Variants in TMEM63C observed in about 807,000 individuals in gnomAD.
TMEM63C encodes the protein osmosensitive cation channel TMEM63C.
A neutral mutation model predicts 99.2 loss-of-function variants in TMEM63C; 32 were observed. The observed-to-expected ratio is 0.32, with a 90% CI of 0.24 to 0.43. The LOEUF (loss-of-function observed/expected upper bound fraction) is 0.43, where lower values mean the gene tolerates loss of function less well. TMEM63C is among the 20% of genes least tolerant of loss of function. The probability of loss-of-function intolerance (pLI) is 1.00; values close to 1 mark genes in which losing one functional copy is unlikely to be tolerated. For synonymous variants in TMEM63C, 376 were observed against 397.9 expected (o/e 0.94, Z 0.66); for missense variants, 826 against 1,053.0 (o/e 0.78, Z 2.98).
intron 1 of TMEM63C, among the ~76,000 whole-genome samples, chr14:77,194,484 A>C (rs184907726): frequency 2.3e-5 from 2 of 85,656 alleles, no homozygotes; most frequent in Admixed American, 2.2e-4. Context: ...CATCCATGCC[A>C]TATTTCTTTT....
At chr14:77,240,692 C>T (rs72679173) in intron 13 of TMEM63C, 84 bp downstream of exon 13, 65,696 of 1,524,090 alleles carry the variant, frequency 0.043, 1,684 homozygotes, top group Non-Finnish European at 0.048. Flanking sequence ...TCCAGTTTCC[C>T]CTTCTGCCTC....
chr14:77,246,536 G>A (rs1889270968), intron 17 of TMEM63C, 73 bp from the exon 18 acceptor site: 1 of 1,314,840 alleles, frequency 7.6e-7, no homozygotes, highest in South Asian at 1.3e-5. Flanking sequence ...ATTGGGCAAG[G>A]GAGGATGGTT....
At chr14:77,216,959 A>G (rs1410892568) in intron 2 of TMEM63C, among the ~76,000 whole-genome samples, 1 of 152,050 alleles carries the variant, frequency 6.6e-6, no homozygotes, top group Non-Finnish European at 1.5e-5. Context: ...TGAATTCAGG[A>G]GTTTGAGACT....
Position 77,246,018 on chromosome 14 carries a change from A to G in TMEM63C, c.1527A>G (p.Gly509=). The G allele has an allele frequency of 6.2e-7, 1 of 1,612,872 alleles. No individual in the cohort carries two copies. The highest frequency in any genetic ancestry group is 1.1e-5 in the South Asian group (1 of 91,064). ...TGGTAGTCATTCTGCCCTCTATGGG[A>G]CTGACCAGGTACCTCACTTCCAATT... ...VFMVVILPSM[G]LTSLDVFLRW... The change falls in exon 17 of 24, where the codon GGA becomes GGG. Residue 509 remains glycine (G), a synonymous_variant. Transcript: ENST00000298351.
At chr14:77,220,197 C>G in intron 5 of TMEM63C, 110 bp downstream of exon 5, 1 of 1,021,330 alleles carries the variant, frequency 9.8e-7, no homozygotes, top group South Asian at 1.4e-5. Flanking sequence ...AATCAGCCAG[C>G]CTCAACCACT....
At chr14:77,214,009 G>A (rs1051189452) in intron 2 of TMEM63C, among the ~76,000 whole-genome samples, 6 of 151,990 alleles carry the variant, frequency 3.9e-5, no homozygotes, top group Admixed American at 2.0e-4. Context: ...CTGGGAGTGA[G>A]CACAAGCAGC....
chr14:77,253,275 C>T (rs747429357), intron 22 of TMEM63C, 30 bp from the exon 23 acceptor site: 1 of 1,606,038 alleles, frequency 6.2e-7, no homozygotes, highest in East Asian at 2.2e-5. Flanking sequence ...GAGCAGGCCT[C>T]CTGTAACCCA....
intron 1 of TMEM63C, among the ~76,000 whole-genome samples, chr14:77,189,116 C>CT (rs56357136): frequency 0.066 from 9,675 of 146,298 alleles, 373 homozygotes; most frequent in East Asian, 0.1. Context: ...TTTTCTTTTT[C>CT]TTTTTTTTTT....
chr14:77,212,339 G>A (rs1280753766), intron 1 of TMEM63C: 1 of 152,258 alleles, frequency 6.6e-6, no homozygotes, highest in African/African-American at 2.4e-5. Flanking sequence ...AGTCCAGTCA[G>A]TGGCTTCAGA....
intron 8 of TMEM63C, 54 bp from the exon 9 acceptor site, chr14:77,236,569 TG>T: frequency 7.7e-7 from 1 of 1,294,926 alleles, no homozygotes; most frequent in Non-Finnish European, 1.1e-6. Context: ...CTCTGTGCAG[TG>T]GGCTCTGGGG....
chr14:77,228,442 G>A (rs548206684), intron 6 of TMEM63C, among the ~76,000 whole-genome samples: 1 of 152,060 alleles, frequency 6.6e-6, no homozygotes, highest in Non-Finnish European at 1.5e-5. Context: ...ACGTTTAGCC[G>A]CTCAAAGTTA....
chr14:77,246,720 G>A, intron 18 of TMEM63C, 46 bp downstream of exon 18: 1 of 1,537,270 alleles, frequency 6.5e-7, no homozygotes, highest in Non-Finnish European at 9.0e-7. Context: ...TGTGCACACA[G>A]GAGTGGTTAT....
intron 2 of TMEM63C, among the ~76,000 whole-genome samples, chr14:77,216,905 C>T (rs932003095): frequency 2.6e-5 from 4 of 152,158 alleles, no homozygotes; most frequent in Admixed American, 1.3e-4. Context: ...CTCATTAAAG[C>T]CTGTAATCCC....
intron 1 of TMEM63C, among the ~76,000 whole-genome samples, chr14:77,188,607 G>A (rs1303038873): frequency 1.3e-5 from 2 of 152,150 alleles, no homozygotes; most frequent in Non-Finnish European, 1.5e-5. Context: ...TGTGGCTCAC[G>A]CCTGTAATCC....
chr14:77,185,698 A>G (rs762037575), intron 1 of TMEM63C, among the ~76,000 whole-genome samples: 6 of 152,138 alleles, frequency 3.9e-5, no homozygotes, highest in East Asian at 1.9e-4. Context: ...GGGGAAATCA[A>G]TCCTGCTTTG....
intron 18 of TMEM63C, 79 bp downstream of exon 18, chr14:77,246,753 C>A: frequency 1.6e-6 from 2 of 1,225,564 alleles, no homozygotes; most frequent in South Asian, 1.3e-5. Flanking sequence ...CTGAGTCCAG[C>A]ACCTGAATTT....
chr14:77,212,744 C>G (rs1002755962), intron 1 of TMEM63C, among the ~76,000 whole-genome samples: 1 of 152,166 alleles, frequency 6.6e-6, no homozygotes, highest in African/African-American at 2.4e-5. Flanking sequence ...GGGTGAGGAT[C>G]TTGTCTCCTT....
chr14:77,244,541 C>A, intron 16 of TMEM63C, 86 bp downstream of exon 16: 1 of 1,038,502 alleles, frequency 9.6e-7, no homozygotes, highest in Non-Finnish European at 1.5e-6. Flanking sequence ...GGCACTTGGG[C>A]CTCCCCTCTA....
chr14:77,210,168 G>A (rs1056405100), intron 1 of TMEM63C, among the ~76,000 whole-genome samples: 1 of 152,184 alleles, frequency 6.6e-6, no homozygotes, highest in Non-Finnish European at 1.5e-5. Flanking sequence ...GTGCTTTTAT[G>A]TCTTGGCTGC....
Sources: allele counts gnomAD v4.1 joint callset (sites outside exome capture counted in the v4.1 genomes callset), GRCh38; gene constraint gnomAD v4.1.1; transcripts MANE v1.5; gene names NCBI Gene and HGNC (gene_info 2026-07-23, HGNC 2026-07-21).